The following SLC24A3 variants were observed in gnomAD, a reference collection of about 807,000 sequenced individuals.
The protein encoded by SLC24A3 is solute carrier family 24 member 3, also known as sodium/potassium/calcium exchanger 3.
SLC24A3 carries 28 observed loss-of-function variants against 75.8 expected under a neutral mutation model. That is an observed-to-expected ratio of 0.37 (90% CI 0.27 to 0.51). SLC24A3 has a LOEUF of 0.51. Among genes scored for constraint, SLC24A3 ranks in the 20% least tolerant of loss-of-function variants. The probability of loss-of-function intolerance (pLI) is 0.94; values close to 1 mark genes in which losing one functional copy is unlikely to be tolerated. For synonymous variants in SLC24A3, 372 were observed against 334.1 expected (o/e 1.11, Z -1.24); for missense variants, 663 against 847.8 (o/e 0.78, Z 2.71).
chr20:19,553,994 G>A (rs2030744385), intron 3 of SLC24A3, among the ~76,000 whole-genome samples: 1 of 152,122 alleles, frequency 6.6e-6, no homozygotes, highest in Non-Finnish European at 1.5e-5. Flanking sequence ...TTGACTCTAA[G>A]GCACTGAATG....
chr20:19,641,043 A>G (rs972523280), intron 6 of SLC24A3, among the ~76,000 whole-genome samples: 14 of 152,218 alleles, frequency 9.2e-5, no homozygotes, highest in Non-Finnish European at 2.1e-4. Flanking sequence ...AAGTGCAGTA[A>G]TTAGATTTTA....
chr20:19,505,267 T>G (rs1380138739), intron 2 of SLC24A3, among the ~76,000 whole-genome samples: 1 of 152,204 alleles, frequency 6.6e-6, no homozygotes, highest in Non-Finnish European at 1.5e-5. Flanking sequence ...CAAAGGCAGT[T>G]TCTCAATCTG....
chr20:19,403,982 G>A (rs1469728934), intron 2 of SLC24A3, among the ~76,000 whole-genome samples: 1 of 152,212 alleles, frequency 6.6e-6, no homozygotes, highest in Admixed American at 6.5e-5. Context: ...GTGTGCTTCT[G>A]CACGGAAGTG....
intron 1 of SLC24A3, among the ~76,000 whole-genome samples, chr20:19,271,820 C>T (rs1983339896): frequency 1.3e-5 from 2 of 151,898 alleles, no homozygotes; most frequent in South Asian, 4.1e-4. Context: ...ACTCTGGGGA[C>T]CTGGAGGGAA....
chr20:19,611,386 A>G (rs1009648820), intron 6 of SLC24A3, among the ~76,000 whole-genome samples: 1 of 152,152 alleles, frequency 6.6e-6, no homozygotes, highest in African/African-American at 2.4e-5. Context: ...TTTTTTGAAT[A>G]CAGGAGTCAG....
At chr20:19,626,940 C>T (rs762720496) in intron 6 of SLC24A3, among the ~76,000 whole-genome samples, 4 of 152,154 alleles carry the variant, frequency 2.6e-5, no homozygotes, top group East Asian at 3.9e-4. Context: ...GTCTTAAGGG[C>T]GACCTTGGAC....
chr20:19,312,209 A>T (rs1984473879), intron 2 of SLC24A3, among the ~76,000 whole-genome samples: 1 of 152,170 alleles, frequency 6.6e-6, no homozygotes, highest in Non-Finnish European at 1.5e-5. Flanking sequence ...TAAGACACAA[A>T]GTTCCATTTT....
chr20:19,598,922 G>GCA (rs1023764718), intron 6 of SLC24A3, among the ~76,000 whole-genome samples: 9 of 147,132 alleles, frequency 6.1e-5, no homozygotes, highest in South Asian at 2.2e-4. Flanking sequence ...ACACACACAC[G>GCA]CACACACACA....
Position 19,721,513 on chromosome 20 carries a change from A to G in SLC24A3, c.*373A>G, listed in dbSNP as rs1483239130. On this transcript the variant is annotated 3_prime_UTR_variant, in exon 17 of 17. Coordinates refer to ENST00000328041, the MANE Select transcript of SLC24A3 (RefSeq NM_020689.4). ...AAGTTATTTGATGGAAGACTCACCT[A>G]ATTTGTGACCTGAGACTGTTGAAGA... The G allele has an allele frequency of 1.1e-5, 2 of 190,456 alleles. No homozygotes were observed. The highest frequency in any genetic ancestry group is 1.4e-4 in the South Asian group (1 of 6,918). The allele number at this position is 190,456 out of a possible 1,614,324, so 11.8% of individuals were successfully genotyped here.
At position 19,222,569 on chromosome 20, in the gene SLC24A3, C is replaced by T. The variant is rs576381198; in HGVS notation, c.142+9585C>T. Among the ~76,000 whole-genome samples, 8 of 152,176 alleles carry T rather than the reference C, an allele frequency of 5.3e-5. No homozygotes were observed. The South Asian group carries it at 1.0e-3, about 20-fold the overall frequency. ...AAAGACCTAGTTACTTCTGAGAATC[C>T]GATAGGAGAGGAATCTGGGAATGGG... On this transcript the variant is annotated intron_variant, in intron 1 of 16. Transcript: ENST00000328041.
At chr20:19,428,376 G>C (rs960384563) in intron 2 of SLC24A3, among the ~76,000 whole-genome samples, 2 of 152,176 alleles carry the variant, frequency 1.3e-5, no homozygotes, top group African/African-American at 4.8e-5. Flanking sequence ...TGTTAAGTAG[G>C]AGTCATTAGA....
intron 1 of SLC24A3, among the ~76,000 whole-genome samples, chr20:19,256,611 A>G (rs1283860456): frequency 6.6e-6 from 1 of 151,966 alleles, no homozygotes; most frequent in Non-Finnish European, 1.5e-5. Context: ...TTTACAAAAA[A>G]TACAAAAATT....
rs1334694999 is a variant in SLC24A3, at chr20:19,512,344, G to T, written c.272-3144G>T. Among the ~76,000 whole-genome samples, 5 of 152,272 alleles carry T rather than the reference G, an allele frequency of 3.3e-5. No homozygotes were observed. In the South Asian group the frequency reaches 1.0e-3, roughly 32 times the overall value. On this transcript the variant is annotated intron_variant, in intron 2 of 16. Transcript: ENST00000328041. ...TCACCCCTGCCCGGCCAGGACTTTG[G>T]GCAGCTTCTGGGTGGACTGTCCCGA...
At chr20:19,427,594 C>G (rs1056319325) in intron 2 of SLC24A3, among the ~76,000 whole-genome samples, 4 of 152,210 alleles carry the variant, frequency 2.6e-5, no homozygotes, top group Non-Finnish European at 4.4e-5. Flanking sequence ...TGAAGACGCT[C>G]CCTGTGAAAC....
chr20:19,611,759 C>T (rs1430562628), intron 6 of SLC24A3, among the ~76,000 whole-genome samples: 1 of 152,220 alleles, frequency 6.6e-6, no homozygotes, highest in Non-Finnish European at 1.5e-5. Flanking sequence ...GGTCCCACAC[C>T]TATCGGGCTG....
intron 2 of SLC24A3, among the ~76,000 whole-genome samples, chr20:19,435,572 AG>A (rs1987184434): frequency 6.6e-6 from 1 of 152,208 alleles, no homozygotes; most frequent in Non-Finnish European, 1.5e-5. Context: ...GGGGTATCCC[AG>A]GGCAATTAGT....
At chr20:19,645,582 C>T (rs1285867551) in intron 6 of SLC24A3, among the ~76,000 whole-genome samples, 2 of 152,096 alleles carry the variant, frequency 1.3e-5, no homozygotes, top group Non-Finnish European at 2.9e-5. Context: ...TACAGGGCAC[C>T]GCTGAGCGGC....
chr20:19,285,356 T>C (rs950299956), intron 2 of SLC24A3, among the ~76,000 whole-genome samples: 2 of 151,316 alleles, frequency 1.3e-5, no homozygotes, highest in African/African-American at 4.9e-5. Context: ...TGTGAGTCTG[T>C]GGTCCCAGCT....
chr20:19,507,901 C>A (rs541915933), intron 2 of SLC24A3, among the ~76,000 whole-genome samples: 1 of 152,292 alleles, frequency 6.6e-6, no homozygotes, highest in Admixed American at 6.5e-5. Flanking sequence ...TATTTGTTGT[C>A]CTCTTTCATG....
Sources: gnomAD v4.1 joint callset for allele counts (sites outside exome capture counted in the v4.1 genomes callset) on GRCh38, gnomAD v4.1.1 for gene constraint, MANE v1.5 for transcripts, NCBI Gene and HGNC (gene_info 2026-07-23, HGNC 2026-07-21) for gene names.